The following DSG1 variants were observed in gnomAD, a reference collection of about 807,000 sequenced individuals.
DSG1 encodes desmoglein-1.
In DSG1, 39 loss-of-function variants were observed where a neutral mutation model predicts 97.5. The observed-to-expected ratio is 0.40, with a 90% CI of 0.31 to 0.52. The LOEUF (loss-of-function observed/expected upper bound fraction) is 0.52. DSG1 is among the 20% of genes least tolerant of loss of function. The pLI, the probability that DSG1 is intolerant of heterozygous loss-of-function variation, is 0.53. For missense variants in DSG1, 1,311 were observed against 1,295.4 expected (o/e 1.01, Z -0.18); for synonymous variants, 475 against 443.4 (o/e 1.07, Z -0.90).
intron 2 of DSG1, 127 bp downstream of exon 2, chr18:31,326,743 A>G (rs769256883): frequency 1.4e-5 from 19 of 1,331,820 alleles, no homozygotes; most frequent in Non-Finnish European, 2.0e-5. Context: ...TTAATAGATT[A>G]CCAAAATTAC....
intron 11 of DSG1, among the ~76,000 whole-genome samples, chr18:31,343,038 G>A (rs2071800383): frequency 6.6e-6 from 1 of 151,780 alleles, no homozygotes; most frequent in South Asian, 2.1e-4. Context: ...AGCCTCCAGA[G>A]TAGCTAAGAC....
chr18:31,325,321 A>G (rs2071679080), intron 1 of DSG1, among the ~76,000 whole-genome samples: 1 of 152,234 alleles, frequency 6.6e-6, no homozygotes, highest in Non-Finnish European at 1.5e-5. Context: ...ACAAACAGCA[A>G]GCACTGGCGC....
At position 31,330,329 on chromosome 18, in the gene DSG1, G is replaced by C. The variant is rs2901124; in HGVS notation, c.517+293G>C. On this transcript the variant is annotated intron_variant, in intron 5 of 14. Transcript: ENST00000257192. The stretch of plus-strand genomic sequence containing the variant: ...AATGGTGGCAGAGGCATCGGGATGT[G>C]AATTTAGCCTCCCAGTCTAACTGTG... Among the ~76,000 whole-genome samples the C allele has an allele frequency of 0.4, 60,655 of 151,882 alleles. 13,624 individuals are homozygous for C. Among genetic ancestry groups the C allele is most frequent in the Non-Finnish European group, 0.5 (33,705 of 67,902 alleles).
intron 4 of DSG1, 136 bp downstream of exon 4, chr18:31,328,480 C>G: frequency 1.2e-6 from 1 of 831,238 alleles, no homozygotes; most frequent in Non-Finnish European, 1.9e-6. Flanking sequence ...TCACGAGCAT[C>G]CCACGACTGA....
intron 14 of DSG1, among the ~76,000 whole-genome samples, chr18:31,346,828 C>G (rs913684353): frequency 6.6e-6 from 1 of 152,162 alleles, no homozygotes; most frequent in Non-Finnish European, 1.5e-5. Context: ...CATATATTCT[C>G]TACGTTGTAT....
chr18:31,322,863 A>G (rs1168676823), intron 1 of DSG1, among the ~76,000 whole-genome samples: 1 of 152,228 alleles, frequency 6.6e-6, no homozygotes, highest in Non-Finnish European at 1.5e-5. Context: ...ATTATGTGCA[A>G]GGAAGCATGA....
At chr18:31,340,252 A>G (rs1002448015) in intron 11 of DSG1, among the ~76,000 whole-genome samples, 2 of 151,920 alleles carry the variant, frequency 1.3e-5, no homozygotes, top group African/African-American at 4.8e-5. Context: ...TCTCAATGTA[A>G]TGGGAAAGTG....
At chr18:31,340,237 G>T (rs573442952) in intron 11 of DSG1, among the ~76,000 whole-genome samples, 2 of 152,068 alleles carry the variant, frequency 1.3e-5, no homozygotes, top group South Asian at 4.1e-4. Flanking sequence ...TTTATTTGCA[G>T]TAAGTCTCAA....
chr18:31,354,497 A>G lies in DSG1; in HGVS notation c.2301A>G (p.Ser767=). ...KLADISLGKE[S]YPDLDPSWPP... ...CAGACATCAGCCTAGGAAAAGAATC[A>G]TATCCAGACCTTGATCCTTCTTGGC... is the stretch of plus-strand genomic sequence containing the variant. Residue 767 remains serine (S), a synonymous_variant, in exon 15 of 15, where the codon TCA becomes TCG. Coordinates refer to ENST00000257192, the MANE Select transcript of DSG1 (RefSeq NM_001942.4). 3.1e-6 allele frequency: 5 copies of G among 1,614,172 alleles called. No individual in the cohort carries two copies. Among genetic ancestry groups the G allele is most frequent in the South Asian group, 1.1e-5 (1 of 91,078 alleles).
chr18:31,330,165 T>G (rs905280909), intron 5 of DSG1, 129 bp downstream of exon 5: 2 of 1,185,762 alleles, frequency 1.7e-6, no homozygotes, highest in Admixed American at 1.9e-5. Flanking sequence ...AGCAAGTCTT[T>G]CCTTTCAACT....
In DSG1 at chr18:31,357,172, C is replaced by T. The variant is rs1160451095; in HGVS notation, c.*1826C>T. On this transcript the variant is annotated 3_prime_UTR_variant, in exon 15 of 15. Transcript: ENST00000257192. ...TTACTGAACCTAGAGCTATTTTGCT[C>T]TGTAACAACAGATAAGGCTAATATT... 6.6e-6 allele frequency: 1 copy of T among 152,066 alleles called. No individual in the cohort carries two copies. Among genetic ancestry groups the T allele is most frequent in the Non-Finnish European group, 1.5e-5 (1 of 67,946 alleles). The allele number at this position is 152,066 out of a possible 1,614,324, so 9.4% of individuals were successfully genotyped here. A position where few individuals can be genotyped will look rare whatever the true frequency, so the allele number is the denominator to read the frequency against.
intron 4 of DSG1, among the ~76,000 whole-genome samples, 193 bp from the exon 5 acceptor site, chr18:31,329,698 AC>A (rs1201107815): frequency 6.6e-6 from 1 of 151,524 alleles, no homozygotes; most frequent in Admixed American, 6.6e-5. Flanking sequence ...AATAATATAA[AC>A]CCCCATGTAG....
intron 1 of DSG1, among the ~76,000 whole-genome samples, chr18:31,325,916 G>T (rs116057329): frequency 0.017 from 2,585 of 152,046 alleles, 87 homozygotes; most frequent in African/African-American, 0.06. Context: ...ACATGTATTT[G>T]TTGTAAAGAT....
chr18:31,329,026 C>T (rs2071704162), intron 4 of DSG1, among the ~76,000 whole-genome samples: 1 of 152,124 alleles, frequency 6.6e-6, no homozygotes, highest in Non-Finnish European at 1.5e-5. Flanking sequence ...TGAGGCCATC[C>T]ATCACAAACT....
chr18:31,335,094 CCT>C (rs2071743737), intron 8 of DSG1, among the ~76,000 whole-genome samples: 1 of 151,926 alleles, frequency 6.6e-6, no homozygotes. Context: ...CTTTTTGCCT[CCT>C]GTGTCTTCTT....
chr18:31,326,851 T>G (rs375748860), intron 2 of DSG1, 23 bp from the exon 3 acceptor site: 1 of 1,611,030 alleles, frequency 6.2e-7, no homozygotes, highest in East Asian at 2.2e-5. Context: ...ATATATACCA[T>G]TTCTTTATTG....
intron 1 of DSG1, among the ~76,000 whole-genome samples, chr18:31,320,299 A>T (rs1256885920): frequency 6.6e-6 from 1 of 152,184 alleles, no homozygotes; most frequent in African/African-American, 2.4e-5. Context: ...AATGAAAAAA[A>T]ATTTATGTAA....
intron 1 of DSG1, among the ~76,000 whole-genome samples, chr18:31,319,571 A>G (rs1181523254): frequency 1.3e-5 from 2 of 152,134 alleles, no homozygotes; most frequent in Non-Finnish European, 2.9e-5. Context: ...AGGATTTGGT[A>G]GGGATCACTG....
rs1351115663 is a variant in DSG1 at position 31,357,786 on chromosome 18, A to G, written c.*2440A>G. 2.0e-5 allele frequency among the ~76,000 whole-genome samples: 3 copies of G among 152,036 alleles called. No homozygotes were observed. The highest frequency in any genetic ancestry group is 4.4e-5 in the Non-Finnish European group (3 of 67,890). ...ACTTTTCTTCCAGGATTGCAAATTGATGGGAAAAACAAGAAAAACTGAAGT... is the reference window on the plus strand; with the variant it reads ...ACTTTTCTTCCAGGATTGCAAATTGGTGGGAAAAACAAGAAAAACTGAAGT... On this transcript the variant is annotated 3_prime_UTR_variant, in exon 15 of 15. Coordinates refer to ENST00000257192, the MANE Select transcript of DSG1 (RefSeq NM_001942.4).
Sources: gnomAD v4.1 joint callset for allele counts (sites outside exome capture counted in the v4.1 genomes callset) on GRCh38, gnomAD v4.1.1 for gene constraint, MANE v1.5 for transcripts, NCBI Gene and HGNC (gene_info 2026-07-23, HGNC 2026-07-21) for gene names.